Variants in DPH7 observed in about 807,000 individuals in gnomAD.
The protein encoded by DPH7 is diphthamide biosynthesis 7.
In DPH7, 44 loss-of-function variants were observed where a neutral mutation model predicts 41.7. The ratio of observed to expected loss-of-function variants is 1.05; its 90% CI spans 0.83 to 1.36. The LOEUF (loss-of-function observed/expected upper bound fraction) is 1.36. DPH7 is among the 40% of genes most tolerant of loss of function. The pLI is 0.00. For synonymous variants in DPH7, 275 were observed against 238.0 expected (o/e 1.16, Z -1.43); for missense variants, 629 against 577.5 (o/e 1.09, Z -0.91).
chr9:137,575,226 C>T (rs1470707215), intron 3 of DPH7: 2 of 1,004,256 alleles, frequency 2.0e-6, no homozygotes, highest in African/African-American at 1.7e-5. Flanking sequence ...CTGGAACACT[C>T]GCCTCCCGAG....
chr9:137,559,028 G>A (rs1423100582), intron 8 of DPH7, among the ~76,000 whole-genome samples: 4 of 152,152 alleles, frequency 2.6e-5, no homozygotes, highest in Admixed American at 1.3e-4. Context: ...CCGAGGACAT[G>A]AGCTGTTCCA....
intron 8 of DPH7, among the ~76,000 whole-genome samples, chr9:137,560,604 C>T (rs1046881243): frequency 6.6e-6 from 1 of 152,128 alleles, no homozygotes; most frequent in Non-Finnish European, 1.5e-5. Flanking sequence ...CCTGTAATCC[C>T]AGCACTTTGG....
At chr9:137,570,714 A>G in intron 5 of DPH7, among the ~76,000 whole-genome samples, 1 of 152,074 alleles carries the variant, frequency 6.6e-6, no homozygotes, top group East Asian at 1.9e-4. Context: ...CTATTCCGCT[A>G]CTGCCTCAGG....
chr9:137,569,079 G>A (rs1839927732), intron 5 of DPH7, among the ~76,000 whole-genome samples: 1 of 152,028 alleles, frequency 6.6e-6, no homozygotes, highest in African/African-American at 2.4e-5. Context: ...AATCTTCCAA[G>A]AAAAGCAATG....
chr9:137,574,690 C>A (rs1474177445), intron 4 of DPH7, 62 bp downstream of exon 4: 1 of 1,538,694 alleles, frequency 6.5e-7, no homozygotes, highest in East Asian at 2.2e-5. Flanking sequence ...GCCCTCTAGC[C>A]TGAAAAGTGG....
intron 2 of DPH7, 86 bp downstream of exon 2, chr9:137,577,384 T>A (rs1841594556): frequency 7.4e-7 from 1 of 1,350,466 alleles, no homozygotes; most frequent in East Asian, 2.4e-5. Context: ...ATGCAATGCC[T>A]GTCTTGTTGA....
At position 137,571,311 on chromosome 9, in the gene DPH7, C is replaced by T. The variant is rs150165977; in HGVS notation, c.640+2897G>A. On this transcript the variant is annotated intron_variant, in intron 5 of 8. Coordinates refer to ENST00000277540, the MANE Select transcript of DPH7 (RefSeq NM_138778.5). ...AAGCAATTCCACTGTCTCAGCCTCC[C>T]GAGTAGTTGGGACTACAGGCGCCTG... Among the ~76,000 whole-genome samples the T allele has an allele frequency of 5.9e-5, 9 of 152,032 alleles. No individual in the cohort carries two copies. In the East Asian group the frequency reaches 1.6e-3, roughly 27 times the overall value.
At chr9:137,575,082 T>C (rs1228444165) in intron 3 of DPH7, 2 of 1,296,970 alleles carry the variant, frequency 1.5e-6, no homozygotes, top group African/African-American at 3.0e-5. Context: ...CCCACAGGCT[T>C]GATCTTGGGG....
At position 137,578,641 on chromosome 9, in the gene DPH7, G is replaced by A; in HGVS notation, c.137C>T (p.Ala46Val). ...YQLRRPEDRP[A>V]GPQNKGGMEV... is the part of the protein sequence containing the mutation. The stretch of plus-strand genomic sequence containing the variant: ...CGCGCGCACCTTGTTCTGGGGGCCG[G>A]CAGGCCGGTCCTCCGGCCGCCGCAG... The change falls in exon 1 of 9, where the codon GCC becomes GTC. Residue 46 changes from alanine (A) to valine (V), a missense_variant. Ala to Val is a moderately conservative substitution (Grantham distance 64). Coordinates refer to ENST00000277540, the MANE Select transcript of DPH7 (RefSeq NM_138778.5). 6.6e-7 allele frequency: 1 copy of A among 1,512,570 alleles called. No homozygotes were observed. Among genetic ancestry groups the A allele is most frequent in the Middle Eastern group, 2.2e-4 (1 of 4,476 alleles). The allele number at this position is 1,512,570 out of a possible 1,614,324, so 93.7% of individuals were successfully genotyped here. A position where few individuals can be genotyped will look rare whatever the true frequency, so the allele number is the denominator to read the frequency against.
At chr9:137,573,639 C>T (rs531890584) in intron 5 of DPH7, among the ~76,000 whole-genome samples, 42 of 118,042 alleles carry the variant, frequency 3.6e-4, no homozygotes, top group African/African-American at 1.4e-3. Flanking sequence ...GCTGAGATTG[C>T]ATCACTGCAC....
chr9:137,558,766 G>A (rs1837972751), intron 8 of DPH7, among the ~76,000 whole-genome samples: 1 of 152,112 alleles, frequency 6.6e-6, no homozygotes, highest in Admixed American at 6.5e-5. Context: ...GAGACGGAGT[G>A]TCACTGTCGC....
chr9:137,558,130 C>T (rs143917681), intron 8 of DPH7, among the ~76,000 whole-genome samples: 40 of 151,950 alleles, frequency 2.6e-4, no homozygotes, highest in African/African-American at 8.7e-4. Flanking sequence ...AGCAAGACTC[C>T]GTCTCAAAAA....
Position 137,578,863 on chromosome 9 carries a change from G to A in DPH7, c.-86C>T, listed in dbSNP as rs1841919400. ...GTACTGCGCGGGGCGGCGAGGCCGG[G>A]GCCGGCCGGACGAGCGCAGAGCCCC... On this transcript the variant is annotated 5_prime_UTR_variant, in exon 1 of 9. Transcript: ENST00000277540. The A allele has an allele frequency of 3.1e-6, 4 of 1,297,284 alleles. No individual in the cohort carries two copies. The highest frequency in any genetic ancestry group is 3.9e-6 in the Non-Finnish European group (4 of 1,013,534). The allele number at this position is 1,297,284 out of a possible 1,614,324, so 80.4% of individuals were successfully genotyped here.
At chr9:137,575,060 C>G (rs1564464924) in intron 3 of DPH7, 2 of 1,343,034 alleles carry the variant, frequency 1.5e-6, no homozygotes, top group Admixed American at 3.3e-5. Flanking sequence ...CTCACACTTG[C>G]AGGACAACTT....
Position 137,565,173 on chromosome 9 carries a change from G to A in DPH7, c.641-19C>T. On this transcript the variant is annotated intron_variant, in intron 5 of 8. Transcript: ENST00000277540. The stretch of plus-strand genomic sequence containing the variant: ...TCGCCCCCTGTGTGGAGAAAGAGAA[G>A]CATCAACACCACTAATGACAGGAAA... The A allele has an allele frequency of 6.8e-6, 11 of 1,613,234 alleles. No homozygotes were observed. Among genetic ancestry groups the A allele is most frequent in the Non-Finnish European group, 9.3e-6 (11 of 1,179,374 alleles).
rs569472855 is a variant in DPH7 at position 137,563,585 on chromosome 9, C to T, written c.949+849G>A. Among the ~76,000 whole-genome samples the T allele has an allele frequency of 8.6e-5, 13 of 150,930 alleles. No individual in the cohort carries two copies. The East Asian group carries it at 9.6e-4, about 11-fold the overall frequency. The stretch of plus-strand genomic sequence containing the variant: ...ATGCGGAAATCGAGTCAATCAAGTC[C>T]TTGAGTACAATCCAGTGCAGAGAAG... On this transcript the variant is annotated intron_variant, in intron 8 of 8. Transcript: ENST00000277540.
At chr9:137,559,251 G>A (rs1032142458) in intron 8 of DPH7, among the ~76,000 whole-genome samples, 2 of 152,214 alleles carry the variant, frequency 1.3e-5, no homozygotes, top group Non-Finnish European at 2.9e-5. Context: ...AGACAAGAGT[G>A]CGAGCCTTCT....
intron 8 of DPH7, among the ~76,000 whole-genome samples, chr9:137,558,236 T>G (rs1837863260): frequency 6.6e-6 from 1 of 151,980 alleles, no homozygotes; most frequent in Non-Finnish European, 1.5e-5. Context: ...CTCTTCAACT[T>G]TAAGAACTGA....
chr9:137,577,579 G>T lies in DPH7; in HGVS notation c.178C>A (p.Gln60Lys), dbSNP rs1450181049. Residue 60 changes from glutamine (Q) to lysine (K), a missense_variant, in exon 2 of 9, where the codon CAG becomes AAG. Coordinates refer to ENST00000277540, the MANE Select transcript of DPH7 (RefSeq NM_138778.5). ...AGGAAGAGACGGCCTAAACGGACCT[G>T]AGGCTCCTTAACTTCCATTCCACCC... The part of the protein sequence containing the change: ...NKGGMEVKEP[Q>K]VRLGRLFLYS... 1.9e-6 allele frequency: 3 copies of T among 1,613,996 alleles called. No homozygotes were observed. Among genetic ancestry groups the T allele is most frequent in the Non-Finnish European group, 2.5e-6 (3 of 1,179,942 alleles).
Sources: gnomAD v4.1 joint callset for allele counts (sites outside exome capture counted in the v4.1 genomes callset) on GRCh38, gnomAD v4.1.1 for gene constraint, MANE v1.5 for transcripts, NCBI Gene and HGNC (gene_info 2026-07-23, HGNC 2026-07-21) for gene names.